The following COPA variants were observed in gnomAD, a reference collection of about 807,000 sequenced individuals.
COPA encodes coatomer subunit alpha.
COPA carries 10 observed loss-of-function variants against 158.7 expected under a neutral mutation model. The observed-to-expected ratio is 0.06, with a 90% CI of 0.04 to 0.11. The LOEUF (loss-of-function observed/expected upper bound fraction) is 0.11, where lower values mean the gene tolerates loss of function less well. Among genes scored for constraint, COPA ranks in the 10% least tolerant of loss-of-function variants. The pLI is 1.00. For missense variants in COPA, 1,065 were observed against 1,536.7 expected (o/e 0.69, Z 5.13); for synonymous variants, 462 against 542.8 (o/e 0.85, Z 2.07).
In COPA at chr1:160,293,381, C is replaced by T. The variant is rs762332751; in HGVS notation, c.2754+5G>A. ...CCCTGCCGTGCTAGGTTTCTTCCCG[C>T]TTACCTGAGTTGGACTTGTTCCCTT... On this transcript the variant is annotated splice_donor_5th_base_variant and intron_variant, in intron 26 of 32. Transcript: ENST00000241704. 7 of 1,613,428 alleles carry T rather than the reference C, an allele frequency of 4.3e-6. No homozygotes were observed. In the East Asian group the frequency reaches 1.1e-4, roughly 26 times the overall value.
intron 2 of COPA, 65 bp from the exon 3 acceptor site, chr1:160,340,047 C>T (rs930856136): frequency 1.9e-6 from 3 of 1,576,508 alleles, no homozygotes; most frequent in Non-Finnish European, 2.6e-6. Flanking sequence ...AAGGTGATTC[C>T]TATTCAGGAT....
chr1:160,297,512 T>TC, intron 20 of COPA, 44 bp downstream of exon 20: 1 of 1,612,102 alleles, frequency 6.2e-7, no homozygotes, highest in South Asian at 1.1e-5. Context: ...CCTTCCTCCT[T>TC]CCCCCAAGAA....
intron 8 of COPA, among the ~76,000 whole-genome samples, chr1:160,320,698 A>T (rs1251124010): frequency 6.6e-6 from 1 of 150,940 alleles, no homozygotes; most frequent in African/African-American, 2.4e-5. Context: ...CTTAATAAAA[A>T]TTCTCCCATC....
At chr1:160,335,909 T>G (rs1448397363) in intron 3 of COPA, among the ~76,000 whole-genome samples, 1 of 150,656 alleles carries the variant, frequency 6.6e-6, no homozygotes, top group Non-Finnish European at 1.5e-5. Flanking sequence ...AAAAAAAAGT[T>G]TTTCTTTCTT....
In COPA at chr1:160,340,000, C is replaced by T; in HGVS notation, c.155-18G>A. The T allele has an allele frequency of 1.2e-6, 2 of 1,613,320 alleles. No individual in the cohort carries two copies. The highest frequency in any genetic ancestry group is 1.7e-6 in the Non-Finnish European group (2 of 1,179,272). ...CACTGGACCTGGTGGAGAAGGCAGGCAATGTATGTTAGACAGAGCTATCCT... is the reference window on the plus strand; with the variant it reads ...CACTGGACCTGGTGGAGAAGGCAGGTAATGTATGTTAGACAGAGCTATCCT... On this transcript the variant is annotated intron_variant, in intron 2 of 32. Transcript: ENST00000241704.
Position 160,289,779 on chromosome 1 carries a change from C to G in COPA, c.*378G>C, listed in dbSNP as rs373471631. On this transcript the variant is annotated 3_prime_UTR_variant, in exon 33 of 33. Transcript: ENST00000241704. ...CTAATTTTTATATTTTTATTAGAGA[C>G]GGGGTGTTGCCATGTTGGCCAGGCA... The G allele has an allele frequency of 6.1e-5, 10 of 163,148 alleles. No individual in the cohort carries two copies. In the East Asian group the frequency reaches 1.6e-3, roughly 26 times the overall value. 10.1% of individuals were successfully genotyped at this position (163,148 alleles called of 1,614,324 possible).
chr1:160,340,142 T>A (rs767415122), intron 2 of COPA, 39 bp downstream of exon 2: 1 of 1,519,018 alleles, frequency 6.6e-7, no homozygotes, highest in Non-Finnish European at 9.1e-7. Context: ...ATATTATAAA[T>A]ACTTATACTC....
At chr1:160,298,720 C>G in intron 19 of COPA, 125 bp downstream of exon 19, 1 of 1,267,590 alleles carries the variant, frequency 7.9e-7, no homozygotes, top group Non-Finnish European at 1.1e-6. Flanking sequence ...AATGTAACAA[C>G]TAAAAAAAAT....
Position 160,318,724 on chromosome 1 carries a change from A to G in COPA, c.707-4599T>C, listed in dbSNP as rs369098401. Among the ~76,000 whole-genome samples, 29 of 152,168 alleles carry G rather than the reference A, an allele frequency of 1.9e-4. No homozygotes were observed. In the East Asian group the frequency reaches 3.1e-3, roughly 16 times the overall value. On this transcript the variant is annotated intron_variant, in intron 8 of 32. Transcript: ENST00000241704. ...AAAAGGCAGGAACAGAAATGGAGTT[A>G]AATGTATAATTTCTGAGTGTGTTTT...
intron 1 of COPA, among the ~76,000 whole-genome samples, 176 bp from the exon 2 acceptor site, chr1:160,340,470 T>C (rs1647986128): frequency 6.6e-6 from 1 of 152,234 alleles, no homozygotes; most frequent in Admixed American, 6.5e-5. Context: ...TACTAGATTT[T>C]TGTCATATTC....
At position 160,340,307 on chromosome 1, in the gene COPA, G is replaced by GA. The variant is rs760224975; in HGVS notation, c.41-14dup. On this transcript the variant is annotated splice_polypyrimidine_tract_variant and intron_variant, in intron 1 of 32. Transcript: ENST00000241704. ...TGAAAGCTGAGCCCTGAAAAAAATA[G>GA]AAAATGATACAATGAGCTAACTAAG... 2.6e-6 allele frequency: 4 copies of GA among 1,561,764 alleles called. No individual in the cohort carries two copies. The South Asian group carries it at 4.5e-5, about 17-fold the overall frequency.
At chr1:160,305,643 G>A in intron 16 of COPA, 45 bp downstream of exon 16, 8 of 1,613,882 alleles carry the variant, frequency 5.0e-6, no homozygotes, top group Non-Finnish European at 6.8e-6. Context: ...GATCGGGGTG[G>A]AAGGGAATGG....
chr1:160,323,948 G>A (rs888408144), intron 7 of COPA, among the ~76,000 whole-genome samples: 1 of 152,080 alleles, frequency 6.6e-6, no homozygotes, highest in Non-Finnish European at 1.5e-5. Flanking sequence ...TGCAACCTCT[G>A]CCTCCCGGGT....
intron 3 of COPA, among the ~76,000 whole-genome samples, chr1:160,335,983 T>C (rs1647741832): frequency 6.6e-6 from 1 of 151,888 alleles, no homozygotes; most frequent in African/African-American, 2.4e-5. Flanking sequence ...TTGCAACTCT[T>C]TTTTCTACTG....
chr1:160,329,152 A>G (rs1327830605), intron 6 of COPA, among the ~76,000 whole-genome samples: 2 of 152,250 alleles, frequency 1.3e-5, no homozygotes, highest in Non-Finnish European at 2.9e-5. Flanking sequence ...GGAAAGTATA[A>G]AAGTCTAACC....
intron 8 of COPA, among the ~76,000 whole-genome samples, chr1:160,316,804 G>A (rs1659157935): frequency 6.6e-6 from 1 of 150,786 alleles, no homozygotes; most frequent in African/African-American, 2.4e-5. Flanking sequence ...GCAAGAGCAA[G>A]CGTAGAAAGC....
chr1:160,330,734 T>C (rs959029186), intron 6 of COPA, among the ~76,000 whole-genome samples: 1 of 152,194 alleles, frequency 6.6e-6, no homozygotes, highest in African/African-American at 2.4e-5. Flanking sequence ...AGCTGTACAA[T>C]GCAGAGGATG....
chr1:160,299,191 G>A lies in COPA; in HGVS notation c.1741C>T (p.Leu581=), dbSNP rs79304843. The A allele has an allele frequency of 0.031, 50,227 of 1,614,114 alleles. 875 individuals carry two copies. The highest frequency in any genetic ancestry group is 0.035 in the Non-Finnish European group (41,183 of 1,180,004). The change falls in exon 18 of 33, where the codon CTA becomes TTA. Residue 581 remains leucine (L), a synonymous_variant. Transcript: ENST00000241704. ...ACCCGGGGACGACACTCCCTGTCTA[G>A]GCAGTATACATTGTTGCCCTTCACC... is the stretch of plus-strand genomic sequence containing the variant. The part of the protein sequence containing the change: ...TRVKGNNVYC[L]DRECRPRVLT...
intron 1 of COPA, among the ~76,000 whole-genome samples, chr1:160,342,641 T>C (rs145295214): frequency 1.3e-5 from 2 of 152,258 alleles, no homozygotes; most frequent in Non-Finnish European, 2.9e-5. Flanking sequence ...GGGTAGTAAA[T>C]AAAGCCGAAT....
Sources: allele counts gnomAD v4.1 joint callset (sites outside exome capture counted in the v4.1 genomes callset), GRCh38; gene constraint gnomAD v4.1.1; transcripts MANE v1.5; gene names NCBI Gene and HGNC (gene_info 2026-07-23, HGNC 2026-07-21).